The following ABCG2 variants were observed in gnomAD, a reference collection of about 807,000 sequenced individuals.
ABCG2 encodes broad substrate specificity ATP-binding cassette transporter ABCG2.
In ABCG2, 80 loss-of-function variants were observed where a neutral mutation model predicts 73.5. That is an observed-to-expected ratio of 1.09 (90% confidence interval 0.91 to 1.31). The LOEUF is 1.31. Among genes scored for constraint, ABCG2 ranks in the 50% most tolerant of loss-of-function variants. The pLI is 0.00. For synonymous variants in ABCG2, 269 were observed against 282.4 expected (o/e 0.95, Z 0.48); for missense variants, 796 against 786.2 (o/e 1.01, Z -0.15).
rs137864807 is a variant in ABCG2 at position 88,192,255 on chromosome 4, G to T, written c.-20+38739C>A. Among the ~76,000 whole-genome samples, 1,437 of 152,080 alleles carry T rather than the reference G, an allele frequency of 9.4e-3. 12 individuals are homozygous for T. The highest frequency in any genetic ancestry group is 0.021 in the Middle Eastern group (6 of 290). ...GAAAAATGACTACAAATGGGCCTGA[G>T]GAATCTTTTGGGGGTGATAGAAATG... On this transcript the variant is annotated intron_variant, in intron 1 of 15. Transcript: ENST00000515655.
At chr4:88,097,216 A>G (rs1722040905) in intron 13 of ABCG2, among the ~76,000 whole-genome samples, 1 of 152,186 alleles carries the variant, frequency 6.6e-6, no homozygotes, top group South Asian at 2.1e-4. Flanking sequence ...CTCATTAGTA[A>G]CAATATTAAC....
At chr4:88,228,593 G>T (rs894614977) in intron 1 of ABCG2, among the ~76,000 whole-genome samples, 1 of 152,190 alleles carries the variant, frequency 6.6e-6, no homozygotes, top group African/African-American at 2.4e-5. Flanking sequence ...AATGTTATTT[G>T]AAACTTAGTT....
chr4:88,165,730 C>T (rs953386056), intron 1 of ABCG2, among the ~76,000 whole-genome samples: 2 of 152,046 alleles, frequency 1.3e-5, no homozygotes, highest in Admixed American at 6.6e-5. Flanking sequence ...AAAAATTAAG[C>T]GGGCATGGTG....
At chr4:88,168,896 C>T (rs1201445766) in intron 1 of ABCG2, among the ~76,000 whole-genome samples, 1 of 151,946 alleles carries the variant, frequency 6.6e-6, no homozygotes, top group Non-Finnish European at 1.5e-5. Flanking sequence ...AGCAATGCCA[C>T]AGAAGCCTCC....
intron 1 of ABCG2, among the ~76,000 whole-genome samples, chr4:88,153,363 G>A: frequency 6.6e-6 from 1 of 152,088 alleles, no homozygotes; most frequent in Non-Finnish European, 1.5e-5. Context: ...ATAAAAAGGA[G>A]CATCTATACA....
intron 11 of ABCG2, 66 bp downstream of exon 11, chr4:88,101,164 G>A (rs1313903158): frequency 2.9e-6 from 4 of 1,392,710 alleles, no homozygotes; most frequent in Non-Finnish European, 4.1e-6. Flanking sequence ...AACCCCAGAT[G>A]TAATCAGTCT....
intron 1 of ABCG2, among the ~76,000 whole-genome samples, chr4:88,151,605 GA>G (rs1228281343): frequency 2.0e-5 from 3 of 152,192 alleles, no homozygotes; most frequent in Non-Finnish European, 2.9e-5. Context: ...GGGCGTGGTG[GA>G]GGGGCGCCGG....
At chr4:88,225,643 C>T (rs1245762396) in intron 1 of ABCG2, among the ~76,000 whole-genome samples, 3 of 152,192 alleles carry the variant, frequency 2.0e-5, no homozygotes, top group African/African-American at 7.2e-5. Flanking sequence ...ATAAGCTGAG[C>T]ATTTTAATAT....
upstream of ABCG2, among the ~76,000 whole-genome samples, chr4:88,159,552 G>A (rs1268730432): frequency 1.5e-5 from 2 of 134,788 alleles, no homozygotes; most frequent in South Asian, 2.5e-4. Context: ...CAGGAAACGG[G>A]CCATCAGGCT....
chr4:88,211,944 T>G (rs1192963181), intron 1 of ABCG2, among the ~76,000 whole-genome samples: 1 of 152,084 alleles, frequency 6.6e-6, no homozygotes, highest in African/African-American at 2.4e-5. Flanking sequence ...GCATTTCGAG[T>G]GATTTATGGG....
chr4:88,159,185 C>T (rs1355679002), upstream of ABCG2: 1 of 456,352 alleles, frequency 2.2e-6, no homozygotes, highest in East Asian at 7.0e-5. Context: ...TCACCAGGCG[C>T]TCATTGGGCT....
At chr4:88,173,627 C>T (rs954001767) in intron 1 of ABCG2, among the ~76,000 whole-genome samples, 7 of 152,154 alleles carry the variant, frequency 4.6e-5, no homozygotes, top group African/African-American at 1.4e-4. Flanking sequence ...TTTATTTTTA[C>T]ATTTATTTTA....
At chr4:88,099,276 A>G (rs1049832233) in intron 12 of ABCG2, 48 bp downstream of exon 12, 3 of 1,490,716 alleles carry the variant, frequency 2.0e-6, no homozygotes, top group African/African-American at 2.8e-5. Flanking sequence ...GACTTCACCC[A>G]TAGGCAAGAC....
chr4:88,178,513 C>T (rs1458813299), intron 1 of ABCG2, among the ~76,000 whole-genome samples: 1 of 152,056 alleles, frequency 6.6e-6, no homozygotes, highest in East Asian at 1.9e-4. Flanking sequence ...TGGGGAGGGG[C>T]TACTTCTGCT....
intron 1 of ABCG2, among the ~76,000 whole-genome samples, chr4:88,225,524 C>T (rs1730176142): frequency 6.6e-6 from 1 of 152,162 alleles, no homozygotes; most frequent in South Asian, 2.1e-4. Context: ...ATTCTTTACC[C>T]ATTTATTCAC....
At chr4:88,148,368 T>C (rs1726194495) in intron 1 of ABCG2, among the ~76,000 whole-genome samples, 1 of 152,162 alleles carries the variant, frequency 6.6e-6, no homozygotes, top group African/African-American at 2.4e-5. Flanking sequence ...GAAAGAGATA[T>C]GTTGGGTCAT....
intron 1 of ABCG2, among the ~76,000 whole-genome samples, chr4:88,210,994 T>C (rs541557260): frequency 9.2e-5 from 14 of 152,206 alleles, no homozygotes; most frequent in South Asian, 2.1e-4. Flanking sequence ...AGAGGATTTC[T>C]TGGGGCCAGG....
intron 1 of ABCG2, among the ~76,000 whole-genome samples, chr4:88,229,172 G>A (rs1195209270): frequency 6.6e-6 from 1 of 152,212 alleles, no homozygotes; most frequent in Non-Finnish European, 1.5e-5. Context: ...TGCTGCGAAG[G>A]TTTGCAGCTT....
chr4:88,132,641 A>G lies in ABCG2; in HGVS notation c.204-6T>C. 6.2e-7 allele frequency: 1 copy of G among 1,614,168 alleles called. No individual in the cohort carries two copies. Among genetic ancestry groups the G allele is most frequent in the Non-Finnish European group, 8.5e-7 (1 of 1,179,990 alleles). On this transcript the variant is annotated splice_polypyrimidine_tract_variant and splice_region_variant and intron_variant, in intron 2 of 15. Coordinates refer to ENST00000237612, the MANE Select transcript of ABCG2 (RefSeq NM_004827.3). ...GACCAGGTTTCATGATCCCACTGTA[A>G]ACACAAAAACAGACTGATTTACTAT...
Sources: allele counts gnomAD v4.1 joint callset (sites outside exome capture counted in the v4.1 genomes callset), GRCh38; gene constraint gnomAD v4.1.1; transcripts MANE v1.5; gene names NCBI Gene and HGNC (gene_info 2026-07-23, HGNC 2026-07-21).